Variants in RGS6 observed in about 807,000 individuals in gnomAD.
RGS6 encodes regulator of G-protein signaling 6.
In RGS6, 30 loss-of-function variants were observed where a neutral mutation model predicts 78.5. That is an observed-to-expected ratio of 0.38 (90% CI 0.29 to 0.52). RGS6 has a LOEUF of 0.52. Among genes scored for constraint, RGS6 ranks in the 20% least tolerant of loss-of-function variants. RGS6 has a pLI of 0.85. For synonymous variants in RGS6, 206 were observed against 206.0 expected (o/e 1.00, Z 0.00); for missense variants, 495 against 609.7 (o/e 0.81, Z 1.98).
intron 2 of RGS6, among the ~76,000 whole-genome samples, chr14:72,216,465 G>A (rs935043650): frequency 6.6e-6 from 1 of 152,172 alleles, no homozygotes; most frequent in Non-Finnish European, 1.5e-5. Flanking sequence ...TATCAGTCTT[G>A]TTACTAAGAG....
the RGS6 span, among the ~76,000 whole-genome samples, chr14:71,921,042 G>C: frequency 2.6e-5 from 4 of 152,080 alleles, no homozygotes; most frequent in African/African-American, 9.7e-5. Flanking sequence ...AAGGGCAAAG[G>C]ACCTGAGTAG....
At chr14:71,964,485 A>C (rs904678248) in intron 1 of RGS6, among the ~76,000 whole-genome samples, 2 of 152,170 alleles carry the variant, frequency 1.3e-5, no homozygotes, top group Non-Finnish European at 2.9e-5. Flanking sequence ...TAGCCTGGGC[A>C]ATAAGAGCGA....
At chr14:71,892,887 AC>A in the RGS6 span, among the ~76,000 whole-genome samples, 1 of 152,216 alleles carries the variant, frequency 6.6e-6, no homozygotes, top group African/African-American at 2.4e-5. Flanking sequence ...GTTTTGCCTT[AC>A]AGGAATAGTG....
At chr14:72,378,558 A>G (rs557131919) in intron 3 of RGS6, among the ~76,000 whole-genome samples, 1 of 152,148 alleles carries the variant, frequency 6.6e-6, no homozygotes, top group East Asian at 1.9e-4. Context: ...TAGAGACTAT[A>G]ATGAACAACT....
chr14:72,352,288 A>G (rs1321363657), intron 3 of RGS6, 94 bp downstream of exon 3: 3 of 788,848 alleles, frequency 3.8e-6, no homozygotes, highest in Non-Finnish European at 6.2e-6. Context: ...AAGATCTGTG[A>G]ATAGTAAAAA....
upstream of RGS6, among the ~76,000 whole-genome samples, chr14:71,930,501 A>G (rs1166157463): frequency 6.6e-6 from 1 of 152,222 alleles, no homozygotes; most frequent in Non-Finnish European, 1.5e-5. Flanking sequence ...ATCCCATATA[A>G]TACACAAAAT....
At chr14:72,350,724 C>T (rs1443347519) in intron 2 of RGS6, among the ~76,000 whole-genome samples, 1 of 152,158 alleles carries the variant, frequency 6.6e-6, no homozygotes, top group Non-Finnish European at 1.5e-5. Context: ...AAGCCACTGA[C>T]ATTTGGGGGG....
intron 2 of RGS6, among the ~76,000 whole-genome samples, chr14:72,062,560 T>C (rs1245884606): frequency 6.6e-6 from 1 of 152,236 alleles, no homozygotes; most frequent in Non-Finnish European, 1.5e-5. Flanking sequence ...TTGTGAGATG[T>C]GTTGGGTTCA....
At chr14:72,063,480 G>A (rs1296821066) in intron 2 of RGS6, among the ~76,000 whole-genome samples, 1 of 152,188 alleles carries the variant, frequency 6.6e-6, no homozygotes, top group African/African-American at 2.4e-5. Context: ...GTTCAAGTGA[G>A]AATAAGAGAT....
At chr14:71,890,763 A>G in the RGS6 span, among the ~76,000 whole-genome samples, 3 of 152,384 alleles carry the variant, frequency 2.0e-5, 1 homozygote, top group Admixed American at 2.0e-4. Flanking sequence ...ATTCAGAGCT[A>G]CTGAAACCTT....
chr14:72,131,105 A>G (rs796370314), intron 2 of RGS6, among the ~76,000 whole-genome samples: 1 of 152,264 alleles, frequency 6.6e-6, no homozygotes, highest in South Asian at 2.1e-4. Flanking sequence ...ACTCAGATCT[A>G]CTAGTTTTCA....
chr14:72,286,890 T>C (rs2152296923), intron 2 of RGS6, among the ~76,000 whole-genome samples: 1 of 151,860 alleles, frequency 6.6e-6, no homozygotes, highest in East Asian at 2.0e-4. Flanking sequence ...TTCAAGCAAT[T>C]CTTCTGCCTC....
chr14:72,557,196 G>GTTAA (rs1251439034), intron 17 of RGS6, among the ~76,000 whole-genome samples: 6 of 152,112 alleles, frequency 3.9e-5, no homozygotes, highest in African/African-American at 1.4e-4. Context: ...ACAGAGTTGA[G>GTTAA]TTAATAGAGG....
the RGS6 span, among the ~76,000 whole-genome samples, chr14:71,886,291 G>T: frequency 3.9e-5 from 6 of 152,236 alleles, no homozygotes; most frequent in South Asian, 1.0e-3. Context: ...AGAGTTGATT[G>T]TCTGTCTCTC....
intron 4 of RGS6, among the ~76,000 whole-genome samples, 182 bp from the exon 5 acceptor site, chr14:72,458,089 A>T (rs1015752286): frequency 6.6e-6 from 1 of 152,178 alleles, no homozygotes; most frequent in Non-Finnish European, 1.5e-5. Context: ...AGTCCCAGAC[A>T]CATAGTTGCC....
chr14:71,952,526 A>C (rs1449124501), intron 1 of RGS6, among the ~76,000 whole-genome samples: 1 of 151,292 alleles, frequency 6.6e-6, no homozygotes, highest in African/African-American at 2.4e-5. Flanking sequence ...TCATTGTAGG[A>C]ATTGGTACTG....
chr14:72,552,083 C>G (rs2097515603), intron 17 of RGS6, among the ~76,000 whole-genome samples: 1 of 152,206 alleles, frequency 6.6e-6, no homozygotes, highest in Non-Finnish European at 1.5e-5. Flanking sequence ...CAATATTCTG[C>G]AAGATAGGCA....
intron 1 of RGS6, among the ~76,000 whole-genome samples, chr14:71,944,409 C>T (rs1321186307): frequency 2.0e-5 from 3 of 152,136 alleles, no homozygotes. Flanking sequence ...TTTTCTGACC[C>T]CAAAGTCCTT....
At chr14:72,208,072 G>A (rs955238260) in intron 2 of RGS6, among the ~76,000 whole-genome samples, 1 of 152,164 alleles carries the variant, frequency 6.6e-6, no homozygotes, top group Non-Finnish European at 1.5e-5. Flanking sequence ...TGCTCTAGGG[G>A]TTGCTAAGGT....
Sources: gnomAD v4.1 joint callset for allele counts (sites outside exome capture counted in the v4.1 genomes callset) on GRCh38, gnomAD v4.1.1 for gene constraint, MANE v1.5 for transcripts, NCBI Gene and HGNC (gene_info 2026-07-23, HGNC 2026-07-21) for gene names.